The following ST6GALNAC3 variants were observed in gnomAD, a reference collection of about 807,000 sequenced individuals.
The protein encoded by ST6GALNAC3 is ST6 N-acetylgalactosaminide alpha-2,6-sialyltransferase 3.
ST6GALNAC3 carries 25 observed loss-of-function variants against 32.7 expected under a neutral mutation model. The ratio of observed to expected loss-of-function variants is 0.76; its 90% CI spans 0.56 to 1.07. The LOEUF (loss-of-function observed/expected upper bound fraction) is 1.07, where lower values mean the gene tolerates loss of function less well. Ranked by LOEUF, ST6GALNAC3 falls within the 50% of genes least tolerant of loss-of-function variation. The pLI, the probability that ST6GALNAC3 is intolerant of heterozygous loss-of-function variation, is 0.00. For synonymous variants in ST6GALNAC3, 129 were observed against 133.1 expected (o/e 0.97, Z 0.21); for missense variants, 355 against 382.4 (o/e 0.93, Z 0.60).
intron 1 of ST6GALNAC3, among the ~76,000 whole-genome samples, chr1:76,210,053 T>C (rs1570445042): frequency 6.6e-6 from 1 of 152,240 alleles, no homozygotes; most frequent in East Asian, 1.9e-4. Flanking sequence ...GTTTTTTTTT[T>C]TCTTTTCTTT....
intron 1 of ST6GALNAC3, among the ~76,000 whole-genome samples, chr1:76,253,355 A>G (rs995552224): frequency 1.3e-5 from 2 of 152,146 alleles, no homozygotes; most frequent in African/African-American, 4.8e-5. Context: ...GTCCTGGGCA[A>G]ATACACTATC....
At chr1:76,555,844 G>A (rs558631756) in intron 3 of ST6GALNAC3, among the ~76,000 whole-genome samples, 1 of 152,064 alleles carries the variant, frequency 6.6e-6, no homozygotes, top group East Asian at 1.9e-4. Flanking sequence ...GAAATTCTGG[G>A]GTTAGGACAT....
intron 2 of ST6GALNAC3, among the ~76,000 whole-genome samples, chr1:76,395,010 G>A (rs1652840428): frequency 1.3e-5 from 2 of 152,292 alleles, no homozygotes; most frequent in African/African-American, 4.8e-5. Context: ...GCATTTTATG[G>A]CAATTGGTCT....
chr1:76,132,874 G>A (rs957020853), intron 1 of ST6GALNAC3, among the ~76,000 whole-genome samples: 5 of 152,160 alleles, frequency 3.3e-5, no homozygotes, highest in Non-Finnish European at 7.3e-5. Flanking sequence ...GGGTCATACA[G>A]CCAGGTGTCA....
chr1:76,465,127 G>A (rs934467549), intron 3 of ST6GALNAC3, among the ~76,000 whole-genome samples: 3 of 152,188 alleles, frequency 2.0e-5, no homozygotes, highest in African/African-American at 7.2e-5. Context: ...AACAGCATAT[G>A]AGCAAAGGAC....
At chr1:76,151,395 A>G (rs1262203844) in intron 1 of ST6GALNAC3, among the ~76,000 whole-genome samples, 3 of 152,344 alleles carry the variant, frequency 2.0e-5, no homozygotes, top group South Asian at 2.1e-4. Context: ...AGGCCAGGCC[A>G]TTTGAAAAGG....
chr1:76,605,543 A>G (rs1272693269), intron 3 of ST6GALNAC3, among the ~76,000 whole-genome samples: 2 of 151,988 alleles, frequency 1.3e-5, no homozygotes, highest in African/African-American at 4.8e-5. Context: ...CAAATTTACA[A>G]GAAAAAAAAA....
At chr1:76,303,981 C>G (rs1422404349) in intron 1 of ST6GALNAC3, among the ~76,000 whole-genome samples, 2 of 151,586 alleles carry the variant, frequency 1.3e-5, no homozygotes, top group African/African-American at 2.4e-5. Context: ...CATTCCCCAC[C>G]ACATTCACCT....
intron 1 of ST6GALNAC3, among the ~76,000 whole-genome samples, chr1:76,090,991 A>C (rs1460121870): frequency 6.6e-6 from 1 of 152,206 alleles, no homozygotes; most frequent in East Asian, 1.9e-4. Context: ...GACTTGTTCC[A>C]ATTATGACAG....
chr1:76,489,076 T>G (rs1292102817), intron 3 of ST6GALNAC3, among the ~76,000 whole-genome samples: 1 of 152,192 alleles, frequency 6.6e-6, no homozygotes. Context: ...ATATCTCCAG[T>G]GCCTGGCATC....
chr1:76,305,832 G>A (rs1661015478), intron 1 of ST6GALNAC3: 1 of 503,272 alleles, frequency 2.0e-6, no homozygotes, highest in South Asian at 1.5e-5. Flanking sequence ...AAGAAATAGA[G>A]GCATAGTGAG....
intron 1 of ST6GALNAC3, among the ~76,000 whole-genome samples, chr1:76,258,480 C>A (rs1384639657): frequency 3.3e-5 from 5 of 152,106 alleles, no homozygotes; most frequent in Non-Finnish European, 5.9e-5. Flanking sequence ...ATTCCAGAGC[C>A]ATCAGGGTTT....
At chr1:76,635,458 A>G (rs950933585), downstream of ST6GALNAC3, among the ~76,000 whole-genome samples, 1 of 152,172 alleles carries the variant, frequency 6.6e-6, no homozygotes, top group African/African-American at 2.4e-5. Flanking sequence ...TAATGTTACT[A>G]TCACCATCTC....
At chr1:76,448,828 A>T (rs1657175256) in intron 3 of ST6GALNAC3, among the ~76,000 whole-genome samples, 1 of 151,822 alleles carries the variant, frequency 6.6e-6, no homozygotes, top group African/African-American at 2.4e-5. Context: ...TATATAAATT[A>T]CCCAGTCTTG....
rs141740593 is a variant in ST6GALNAC3, at chr1:76,381,714, C to T, written c.214-30294C>T. 1.6e-4 allele frequency among the ~76,000 whole-genome samples: 25 copies of T among 152,258 alleles called. No homozygotes were observed. The East Asian group carries it at 4.8e-3, about 29-fold the overall frequency. On this transcript the variant is annotated intron_variant, in intron 2 of 4. Transcript: ENST00000328299. ...ATGCATATGCAATACTTAGAAGAGG[C>T]ATAGTAGCCTAGATCTTACAGGAAT...
chr1:76,158,527 T>G (rs992867949), intron 1 of ST6GALNAC3, among the ~76,000 whole-genome samples: 1 of 152,184 alleles, frequency 6.6e-6, no homozygotes, highest in African/African-American at 2.4e-5. Context: ...TTTGAGCAAC[T>G]CCAGTATCTT....
At position 76,586,025 on chromosome 1, in the gene ST6GALNAC3, C is replaced by T. The variant is rs372171668; in HGVS notation, c.624-41427C>T. On this transcript the variant is annotated intron_variant, in intron 3 of 4. Transcript: ENST00000328299. ...AAATGCTTAAAATTACTGCTTCTGACGAGGCCACGGGCTCATTTCAACTAC... is the reference window on the plus strand; with the variant it reads ...AAATGCTTAAAATTACTGCTTCTGATGAGGCCACGGGCTCATTTCAACTAC... Among the ~76,000 whole-genome samples, 292 of 152,274 alleles carry T rather than the reference C, an allele frequency of 1.9e-3. 2 individuals carry two copies. Among genetic ancestry groups the T allele is most frequent in the Middle Eastern group, 6.8e-3 (2 of 294 alleles).
At chr1:76,418,657 A>C (rs1654814416) in intron 3 of ST6GALNAC3, among the ~76,000 whole-genome samples, 1 of 152,030 alleles carries the variant, frequency 6.6e-6, no homozygotes, top group Non-Finnish European at 1.5e-5. Context: ...GTATCTCAGC[A>C]CTTTTTCAGG....
chr1:76,581,771 A>G lies in ST6GALNAC3; in HGVS notation c.624-45681A>G, dbSNP rs180918096. 1.1e-4 allele frequency among the ~76,000 whole-genome samples: 17 copies of G among 152,262 alleles called. No homozygotes were observed. In the East Asian group the frequency reaches 3.3e-3, roughly 29 times the overall value. ...ATCATTAATTAATATAACAAGCACA[A>G]TAACTCTTTGGGTAAGGATCAATAA... On this transcript the variant is annotated intron_variant, in intron 3 of 4. Coordinates refer to ENST00000328299, the MANE Select transcript of ST6GALNAC3 (RefSeq NM_152996.4).
Sources: gnomAD v4.1 joint callset for allele counts (sites outside exome capture counted in the v4.1 genomes callset) on GRCh38, gnomAD v4.1.1 for gene constraint, MANE v1.5 for transcripts, NCBI Gene and HGNC (gene_info 2026-07-23, HGNC 2026-07-21) for gene names.